KIF6: variants seen among roughly 807,000 people sequenced by gnomAD.
KIF6 encodes the protein kinesin-like protein KIF6.
In KIF6, 106 loss-of-function variants were observed where a neutral mutation model predicts 112.7. That is an observed-to-expected ratio of 0.94 (90% CI 0.80 to 1.11). The LOEUF is 1.11. KIF6 is among the 50% of genes least tolerant of loss of function. The pLI is 0.00. For synonymous variants in KIF6, 339 were observed against 339.9 expected, an observed-to-expected ratio of 1.00 and a Z score of 0.03; for missense variants, 929 against 964.0, an observed-to-expected ratio of 0.96 and a Z score of 0.48.
At chr6:39,416,117 C>T (rs1769901664) in intron 15 of KIF6, among the ~76,000 whole-genome samples, 1 of 152,228 alleles carries the variant, frequency 6.6e-6, no homozygotes, top group South Asian at 2.1e-4. Flanking sequence ...GCTCTTTTAC[C>T]TGCCTGCAAG....
intron 3 of KIF6, among the ~76,000 whole-genome samples, chr6:39,702,997 A>G (rs1027939928): frequency 2.6e-5 from 4 of 151,704 alleles, no homozygotes; most frequent in Non-Finnish European, 5.9e-5. Flanking sequence ...TGAGCAGTAA[A>G]AGGGAAAGTT....
chr6:39,722,186 G>C (rs776992139), intron 1 of KIF6, among the ~76,000 whole-genome samples: 2 of 152,036 alleles, frequency 1.3e-5, no homozygotes, highest in Non-Finnish European at 2.9e-5. Context: ...TGAGTGAAGG[G>C]GGTGTATAAG....
chr6:39,635,053 TTC>T, intron 4 of KIF6, 95 bp from the exon 5 acceptor site: 1 of 683,188 alleles, frequency 1.5e-6, no homozygotes, highest in Non-Finnish European at 2.6e-6. Context: ...TCCTCATAGT[TTC>T]TCTCTTTTTC....
At chr6:39,671,107 G>A (rs544546293) in intron 3 of KIF6, among the ~76,000 whole-genome samples, 6 of 152,170 alleles carry the variant, frequency 3.9e-5, no homozygotes, top group Non-Finnish European at 7.3e-5. Context: ...TTCAGTTGGC[G>A]AAATGATGCA....
chr6:39,615,063 C>G (rs1188348747), intron 5 of KIF6, among the ~76,000 whole-genome samples: 2 of 151,970 alleles, frequency 1.3e-5, no homozygotes, highest in African/African-American at 4.8e-5. Flanking sequence ...AATCCCAGCA[C>G]TTTGGACACT....
rs959961204 is a variant in KIF6, at chr6:39,332,363, G to A, written c.*4169C>T. On this transcript the variant is annotated 3_prime_UTR_variant, in exon 23 of 23. Coordinates refer to ENST00000287152, the MANE Select transcript of KIF6 (RefSeq NM_145027.6). ...TGTGGATTCTATATTGTTGGATGCT[G>A]GTTTCTTTTTGGTTTGTTTTTCATA... 6.6e-6 allele frequency: 1 copy of A among 151,996 alleles called. No individual in the cohort carries two copies. The highest frequency in any genetic ancestry group is 2.4e-5 in the African/African-American group (1 of 41,348). The allele number at this position is 151,996 out of a possible 1,614,324, so 9.4% of individuals were successfully genotyped here.
intron 5 of KIF6, among the ~76,000 whole-genome samples, chr6:39,622,892 G>C (rs1783905585): frequency 6.6e-6 from 1 of 152,166 alleles, no homozygotes; most frequent in African/African-American, 2.4e-5. Flanking sequence ...AGCCCTGAAG[G>C]CATCCTGGAG....
chr6:39,684,475 C>T (rs916777645), intron 3 of KIF6, among the ~76,000 whole-genome samples: 1 of 152,044 alleles, frequency 6.6e-6, no homozygotes, highest in African/African-American at 2.4e-5. Flanking sequence ...ATTAGCTGGG[C>T]ATGGTGACAC....
rs758419130 is a variant in KIF6 at position 39,725,241 on chromosome 6, G to C, written c.66+4C>G. On this transcript the variant is annotated splice_donor_region_variant and intron_variant, in intron 1 of 22. Transcript: ENST00000287152. ...GCCGGCGCCCCGGAGGCTCCAGCCC[G>C]TACCCCTTGTTGGTGCTTCCGGACA... is the stretch of plus-strand genomic sequence containing the variant. 2.5e-6 allele frequency: 4 copies of C among 1,607,508 alleles called. No individual in the cohort carries two copies. The Admixed American group carries it at 6.7e-5, about 27-fold the overall frequency.
At chr6:39,489,085 T>C (rs972651618) in intron 13 of KIF6, among the ~76,000 whole-genome samples, 2 of 152,206 alleles carry the variant, frequency 1.3e-5, no homozygotes, top group Non-Finnish European at 2.9e-5. Context: ...CTTTTTAAAA[T>C]ACAGCTACCC....
At chr6:39,356,934 C>T (rs974955501) in intron 19 of KIF6, among the ~76,000 whole-genome samples, 3 of 152,136 alleles carry the variant, frequency 2.0e-5, no homozygotes, top group Admixed American at 2.0e-4. Context: ...CACCACTGTC[C>T]CCCAAACCCC....
intron 21 of KIF6, among the ~76,000 whole-genome samples, chr6:39,344,895 T>C (rs57309810): frequency 0.18 from 26,939 of 152,218 alleles, 3,065 homozygotes; most frequent in African/African-American, 0.32. Context: ...TTTGCTGCGA[T>C]GTGTGGCCGG....
Position 39,600,891 on chromosome 6 carries a change from T to G in KIF6, c.640-4631A>C, listed in dbSNP as rs557321505. On this transcript the variant is annotated intron_variant, in intron 6 of 22. Transcript: ENST00000287152. ...AGCTTACTAGTGTTATAAGCAAATT[T>G]ACATGAAGTAATTTTGATTTTCATG... Among the ~76,000 whole-genome samples, 13 of 152,274 alleles carry G rather than the reference T, an allele frequency of 8.5e-5. No individual in the cohort carries two copies. The South Asian group carries it at 2.5e-3, about 29-fold the overall frequency.
intron 3 of KIF6, among the ~76,000 whole-genome samples, chr6:39,701,323 G>A (rs554868539): frequency 1.3e-5 from 2 of 152,248 alleles, no homozygotes; most frequent in South Asian, 2.1e-4. Context: ...TGCTCATGCT[G>A]TCACAGCTGC....
intron 13 of KIF6, among the ~76,000 whole-genome samples, chr6:39,478,387 GGC>G (rs1774573669): frequency 6.6e-6 from 1 of 152,114 alleles, no homozygotes; most frequent in Non-Finnish European, 1.5e-5. Context: ...TTCTTTTTAT[GGC>G]TGAGTAGTAT....
At chr6:39,436,947 T>G (rs999752050) in intron 13 of KIF6, among the ~76,000 whole-genome samples, 2 of 152,226 alleles carry the variant, frequency 1.3e-5, no homozygotes, top group African/African-American at 4.8e-5. Flanking sequence ...ATCTGTAGAT[T>G]GCTTTAGGCA....
intron 5 of KIF6, among the ~76,000 whole-genome samples, chr6:39,615,039 T>C (rs980658276): frequency 6.6e-6 from 1 of 152,104 alleles, no homozygotes; most frequent in Admixed American, 6.6e-5. Context: ...CTAGGTGCAG[T>C]GGCTCAAGCT....
intron 15 of KIF6, among the ~76,000 whole-genome samples, chr6:39,417,294 C>T (rs936688107): frequency 6.6e-6 from 1 of 152,082 alleles, no homozygotes; most frequent in African/African-American, 2.4e-5. Context: ...CACCTGGGCC[C>T]CTTGGATTAG....
intron 13 of KIF6, among the ~76,000 whole-genome samples, chr6:39,526,440 A>T (rs1582052090): frequency 6.6e-6 from 1 of 152,160 alleles, no homozygotes; most frequent in Non-Finnish European, 1.5e-5. Context: ...CAACCTGTTT[A>T]TCTCTCCCAC....
Sources: gnomAD v4.1 joint callset for allele counts (sites outside exome capture counted in the v4.1 genomes callset) on GRCh38, gnomAD v4.1.1 for gene constraint, MANE v1.5 for transcripts, NCBI Gene and HGNC (gene_info 2026-07-23, HGNC 2026-07-21) for gene names.